The following ARHGAP35 variants were observed in gnomAD, a reference collection of about 807,000 sequenced individuals.
The protein encoded by ARHGAP35 is rho GTPase-activating protein 35.
In ARHGAP35, 15 loss-of-function variants were observed where a neutral mutation model predicts 111.1. The ratio of observed to expected loss-of-function variants is 0.13; its 90% CI spans 0.09 to 0.21. The LOEUF (loss-of-function observed/expected upper bound fraction) is 0.21. ARHGAP35 is among the 10% of genes least tolerant of loss of function. The probability of loss-of-function intolerance (pLI) is 1.00; values close to 1 mark genes in which losing one functional copy is unlikely to be tolerated. For synonymous variants in ARHGAP35, 643 were observed against 710.3 expected (o/e 0.91, Z 1.51); for missense variants, 1,262 against 1,873.0 (o/e 0.67, Z 6.02).
chr19:46,920,749 C>A lies in ARHGAP35; in HGVS notation c.2074C>A (p.His692Asn). 6.2e-7 allele frequency: 1 copy of A among 1,610,640 alleles called. No individual in the cohort carries two copies. The highest frequency in any genetic ancestry group is 1.1e-5 in the South Asian group (1 of 90,700). Residue 692 changes from histidine to asparagine, a missense_variant, in exon 2 of 7, where the codon CAT (histidine) becomes AAT (asparagine). This residue lies in a region of ARHGAP35 where 579 missense variants were observed against 716.9 expected (regional missense o/e 0.81). Transcript: ENST00000672722. The surrounding 1 kb of genome is among the most constrained non-coding windows in gnomAD (Gnocchi z 7.0). ...GTCCACGCTGGGCCGGCGGGATAAT[C>A]ATTTAGTCCATCTCCCCCTTACATT... is the stretch of plus-strand genomic sequence containing the variant. The part of the protein sequence containing the change: ...RESTLGRRDN[H>N]LVHLPLTLIL...
chr19:46,949,258 AAAG>A (rs1025161295), intron 3 of ARHGAP35: 14 of 152,368 alleles, frequency 9.2e-5, no homozygotes, highest in African/African-American at 2.2e-4. Context: ...ACAAAACAAA[AAAG>A]AAGTCATTGG....
chr19:46,936,936 T>G (rs957590903), intron 2 of ARHGAP35, among the ~76,000 whole-genome samples: 8 of 149,570 alleles, frequency 5.3e-5, no homozygotes, highest in Non-Finnish European at 1.2e-4. Flanking sequence ...ACCTCCTGGG[T>G]TCAAGCAATT....
chr19:46,883,144 G>A (rs1173648757), intron 1 of ARHGAP35, among the ~76,000 whole-genome samples: 3 of 152,098 alleles, frequency 2.0e-5, no homozygotes, highest in Non-Finnish European at 4.4e-5. Context: ...GCCCAGGTTG[G>A]AGTGTAGTGG....
chr19:46,896,577 T>C (rs1017924640), intron 1 of ARHGAP35, among the ~76,000 whole-genome samples: 5 of 152,198 alleles, frequency 3.3e-5, no homozygotes, highest in African/African-American at 1.2e-4. Context: ...TCCAGAAAGC[T>C]CACGCTGTGC....
chr19:46,977,755 G>A (rs1203349312), intron 3 of ARHGAP35, among the ~76,000 whole-genome samples: 1 of 152,222 alleles, frequency 6.6e-6, no homozygotes, highest in African/African-American at 2.4e-5. Context: ...GAATCGGACT[G>A]CCCGGGTGTG....
intron 3 of ARHGAP35, among the ~76,000 whole-genome samples, chr19:46,949,737 A>G (rs1241564108): frequency 1.3e-5 from 2 of 152,228 alleles, no homozygotes; most frequent in Non-Finnish European, 2.9e-5. Flanking sequence ...TCAAATTGGG[A>G]ATTAAAATAA....
intron 1 of ARHGAP35, among the ~76,000 whole-genome samples, chr19:46,910,413 C>T (rs148965779): frequency 7.8e-4 from 119 of 152,168 alleles, no homozygotes; most frequent in African/African-American, 2.5e-3. Flanking sequence ...ACCTCAGCCT[C>T]CTGAGTAGCT....
chr19:46,983,230 A>T (rs1218218948), intron 3 of ARHGAP35, among the ~76,000 whole-genome samples: 2 of 152,176 alleles, frequency 1.3e-5, no homozygotes, highest in African/African-American at 4.8e-5. Context: ...AGAAGAACTC[A>T]GGTAGGATTC....
intron 2 of ARHGAP35, among the ~76,000 whole-genome samples, chr19:46,927,063 A>C (rs1413591951): frequency 6.6e-6 from 1 of 152,230 alleles, no homozygotes; most frequent in African/African-American, 2.4e-5. Context: ...TTGAGACCAA[A>C]TACATAACTT....
intron 3 of ARHGAP35, chr19:46,947,672 C>T (rs1250025818): frequency 6.6e-6 from 1 of 152,152 alleles, no homozygotes; most frequent in Non-Finnish European, 1.5e-5. Flanking sequence ...AATTCCAAAA[C>T]CGTCTACCTA....
chr19:46,873,880 C>G (rs2055901682), intron 1 of ARHGAP35, among the ~76,000 whole-genome samples: 1 of 152,022 alleles, frequency 6.6e-6, no homozygotes, highest in African/African-American at 2.4e-5. Context: ...TCCCAAGTAG[C>G]TGGGATTACA....
chr19:46,917,976 A>G (rs1340775472), intron 1 of ARHGAP35, among the ~76,000 whole-genome samples: 3 of 152,168 alleles, frequency 2.0e-5, no homozygotes, highest in African/African-American at 7.2e-5. Flanking sequence ...GGCCTCCCAA[A>G]GTTCTGGGAT....
rs2056744462 is a variant in ARHGAP35 at position 47,000,888 on chromosome 19, C to A, written c.*200C>A. On this transcript the variant is annotated 3_prime_UTR_variant, in exon 7 of 7. Transcript: ENST00000672722. This position sits in a 1 kb window ranked among gnomAD's most constrained non-coding sequence, Gnocchi z 6.9. ...GGTACCCTGGGCCTGGCGCTGCAGA[C>A]CTGAGCTGGCTTGGACCCATTTGAG... 6.5e-7 allele frequency: 1 copy of A among 1,533,898 alleles called. No individual in the cohort carries two copies. Among genetic ancestry groups the A allele is most frequent in the Non-Finnish European group, 8.7e-7 (1 of 1,145,982 alleles).
At chr19:46,894,191 T>C (rs1015742341) in intron 1 of ARHGAP35, among the ~76,000 whole-genome samples, 8 of 152,170 alleles carry the variant, frequency 5.3e-5, no homozygotes, top group Non-Finnish European at 1.2e-4. Flanking sequence ...AAAATTATTT[T>C]CCACACTACT....
intron 1 of ARHGAP35, among the ~76,000 whole-genome samples, chr19:46,915,608 A>G (rs1189371982): frequency 2.6e-5 from 4 of 152,178 alleles, no homozygotes; most frequent in Admixed American, 2.6e-4. Flanking sequence ...ACAAAAACAT[A>G]ATGAGGTCAT....
At chr19:46,951,540 A>G (rs1204820381) in intron 3 of ARHGAP35, among the ~76,000 whole-genome samples, 1 of 152,152 alleles carries the variant, frequency 6.6e-6, no homozygotes, top group Non-Finnish European at 1.5e-5. Flanking sequence ...GCTTACAAGC[A>G]AATATTTAAC....
In ARHGAP35 at chr19:47,000,754, A is replaced by G; in HGVS notation, c.*66A>G. ...CTGACGGGGTGGCATTTGGCCTTGA[A>G]CAAAACCAAGTCCACTGGGGACAGA... On this transcript the variant is annotated 3_prime_UTR_variant, in exon 7 of 7. Transcript: ENST00000672722. The surrounding 1 kb of genome is among the most constrained non-coding windows in gnomAD (Gnocchi z 6.9). 6.5e-7 allele frequency: 1 copy of G among 1,528,598 alleles called. No homozygotes were observed. Among genetic ancestry groups the G allele is most frequent in the Non-Finnish European group, 8.8e-7 (1 of 1,134,968 alleles). 94.7% of individuals were successfully genotyped at this position (1,528,598 alleles called of 1,614,324 possible).
At chr19:46,923,376 A>C (rs1295332996) in intron 2 of ARHGAP35, among the ~76,000 whole-genome samples, 1 of 151,984 alleles carries the variant, frequency 6.6e-6, no homozygotes, top group African/African-American at 2.4e-5. Context: ...GGTCTCCCAA[A>C]GTTTTGGGAC....
intron 1 of ARHGAP35, among the ~76,000 whole-genome samples, chr19:46,905,107 A>G (rs899437591): frequency 1.3e-5 from 2 of 152,222 alleles, no homozygotes; most frequent in East Asian, 3.8e-4. Flanking sequence ...GAGACAGATT[A>G]CAAGGCTCTT....
Sources: gnomAD v4.1 joint callset for allele counts (sites outside exome capture counted in the v4.1 genomes callset) on GRCh38, gnomAD v4.1.1 for gene constraint, gnomAD v4.1.1 regional missense constraint, Gnocchi (gnomAD v3.1) non-coding constraint, MANE v1.5 for transcripts, NCBI Gene and HGNC (gene_info 2026-07-23, HGNC 2026-07-21) for gene names.